Variants in ATP8B1 observed in about 807,000 individuals in gnomAD.
ATP8B1 encodes ATPase phospholipid transporting 8B1, also known as phospholipid-transporting ATPase IC.
In ATP8B1, 80 loss-of-function variants were observed where a neutral mutation model predicts 149.9. That is an observed-to-expected ratio of 0.53 (90% CI 0.45 to 0.64). The LOEUF (loss-of-function observed/expected upper bound fraction) is 0.64. Among genes scored for constraint, ATP8B1 ranks in the 30% least tolerant of loss-of-function variants. ATP8B1 has a pLI of 0.00. For missense variants in ATP8B1, 1,247 were observed against 1,552.6 expected (o/e 0.80, Z 3.31); for synonymous variants, 536 against 562.8 (o/e 0.95, Z 0.67).
At chr18:57,662,346 A>C (rs905743972) in intron 21 of ATP8B1, 137 bp downstream of exon 21, 1 of 1,013,132 alleles carries the variant, frequency 9.9e-7, no homozygotes, top group African/African-American at 1.6e-5. Flanking sequence ...TAAGTCTCAA[A>C]CTTGGAAAAA....
intron 1 of ATP8B1, among the ~76,000 whole-genome samples, chr18:57,767,781 C>G (rs1277163066): frequency 3.8e-5 from 5 of 131,208 alleles, no homozygotes; most frequent in Non-Finnish European, 8.3e-5. Context: ...GAGAGCAAAA[C>G]TCCATCTAAA....
At chr18:57,655,512 A>G (rs1004558726) in intron 22 of ATP8B1, 95 bp from the exon 23 acceptor site, 2 of 1,111,602 alleles carry the variant, frequency 1.8e-6, no homozygotes, top group African/African-American at 3.1e-5. Flanking sequence ...ACAAAAAACA[A>G]AGACAGACAT....
chr18:57,680,616 A>AAAACAAAAC (rs79987183), intron 15 of ATP8B1, among the ~76,000 whole-genome samples: 1 of 144,198 alleles, frequency 6.9e-6, no homozygotes. Context: ...AAAACAAAAC[A>AAAACAAAAC]AAAAAAAAAC....
intron 12 of ATP8B1, among the ~76,000 whole-genome samples, chr18:57,691,535 T>A (rs899907463): frequency 4.6e-5 from 7 of 152,334 alleles, no homozygotes; most frequent in Admixed American, 2.0e-4. Context: ...GGAACCTTAC[T>A]AATAAGACAA....
intron 21 of ATP8B1, among the ~76,000 whole-genome samples, chr18:57,661,676 TACACAC>T (rs368698002): frequency 2.9e-5 from 3 of 104,616 alleles, no homozygotes; most frequent in East Asian, 4.1e-4. Flanking sequence ...TGTATGTATA[TACACAC>T]ACACACACAC....
At chr18:57,701,715 A>C (rs1156369409) in intron 4 of ATP8B1, among the ~76,000 whole-genome samples, 1 of 144,384 alleles carries the variant, frequency 6.9e-6, no homozygotes, top group African/African-American at 2.6e-5. Context: ...TTTTTTTTTG[A>C]GACAGAGTCT....
chr18:57,794,463 T>TAAAA (rs58976028), intron 1 of ATP8B1, among the ~76,000 whole-genome samples: 1 of 110,462 alleles, frequency 9.1e-6, no homozygotes, highest in Non-Finnish European at 1.8e-5. Flanking sequence ...AACCTGACAT[T>TAAAA]AAAAAAAAAA....
chr18:57,705,931 A>T (rs1913368442), intron 3 of ATP8B1, among the ~76,000 whole-genome samples: 1 of 152,140 alleles, frequency 6.6e-6, no homozygotes, highest in Non-Finnish European at 1.5e-5. Context: ...GCACAATTTC[A>T]GCTCACTGAA....
chr18:57,701,798 C>T (rs11665267), intron 4 of ATP8B1, among the ~76,000 whole-genome samples: 13,448 of 151,702 alleles, frequency 0.089, 710 homozygotes, highest in Middle Eastern at 0.18. Flanking sequence ...CAGGCTCAAG[C>T]GATTCTCCTG....
rs528880408 is a variant in ATP8B1, at chr18:57,780,661, A to G, written c.-26+22337T>C. 1.4e-4 allele frequency among the ~76,000 whole-genome samples: 21 copies of G among 152,348 alleles called. No homozygotes were observed. In the South Asian group the frequency reaches 4.1e-3, roughly 30 times the overall value. ...AAACCCTAAGAAATACACTTGTTCA[A>G]TCATTTTGCAGCCTTCAAAATCTCT... On this transcript the variant is annotated intron_variant, in intron 1 of 27. Coordinates refer to ENST00000648908, the MANE Select transcript of ATP8B1 (RefSeq NM_001374385.1).
At chr18:57,769,532 T>C (rs1273098493) in intron 1 of ATP8B1, among the ~76,000 whole-genome samples, 1 of 152,178 alleles carries the variant, frequency 6.6e-6, no homozygotes, top group East Asian at 1.9e-4. Flanking sequence ...AGCAAGAAAC[T>C]GCTAGTACTT....
intron 1 of ATP8B1, among the ~76,000 whole-genome samples, chr18:57,767,336 G>C (rs941219724): frequency 6.6e-6 from 1 of 152,170 alleles, no homozygotes; most frequent in Non-Finnish European, 1.5e-5. Flanking sequence ...GCCTTCTGCT[G>C]CTCAGGTAAG....
At chr18:57,654,630 A>G (rs531956880) in intron 23 of ATP8B1, among the ~76,000 whole-genome samples, 1 of 148,580 alleles carries the variant, frequency 6.7e-6, no homozygotes, top group African/African-American at 2.5e-5. Context: ...TGTTATCGCT[A>G]CTCTTAATGT....
chr18:57,727,935 C>CT lies in ATP8B1; in HGVS notation c.181+3691dup, dbSNP rs1258141153. Among the ~76,000 whole-genome samples the CT allele has an allele frequency of 2.0e-5, 3 of 152,176 alleles. No homozygotes were observed. The South Asian group carries it at 6.2e-4, about 32-fold the overall frequency. ...AACATTCCCGCTCATTTCTGAGAATCTTTGCTGAATCTTTACACAAAGGGT... is the reference window on the plus strand; with the variant it reads ...AACATTCCCGCTCATTTCTGAGAATCTTTTGCTGAATCTTTACACAAAGGGT... On this transcript the variant is annotated intron_variant, in intron 2 of 27. Transcript: ENST00000648908.
chr18:57,693,680 C>T (rs935862657), intron 11 of ATP8B1, among the ~76,000 whole-genome samples: 1 of 151,980 alleles, frequency 6.6e-6, no homozygotes, highest in Non-Finnish European at 1.5e-5. Flanking sequence ...TGTACTCCAG[C>T]CTGGGCAACA....
At chr18:57,656,037 C>T (rs964722522) in intron 22 of ATP8B1, among the ~76,000 whole-genome samples, 1 of 152,188 alleles carries the variant, frequency 6.6e-6, no homozygotes, top group African/African-American at 2.4e-5. Context: ...TACTTTCCAG[C>T]TACCTGGATG....
intron 1 of ATP8B1, among the ~76,000 whole-genome samples, chr18:57,769,934 CT>C (rs1168393468): frequency 2.0e-5 from 3 of 152,174 alleles, no homozygotes; most frequent in Non-Finnish European, 4.4e-5. Flanking sequence ...TGTTATTCCC[CT>C]TGTATAAATG....
intron 22 of ATP8B1, among the ~76,000 whole-genome samples, chr18:57,657,680 C>CA (rs2122610127): frequency 6.6e-6 from 1 of 152,352 alleles, no homozygotes; most frequent in Admixed American, 6.5e-5. Flanking sequence ...GGTTGCCAAA[C>CA]TTGCTCTTTC....
chr18:57,649,193 T>TCTATCTATCTATCTATCTATCTAC (rs1354889459), intron 27 of ATP8B1, among the ~76,000 whole-genome samples: 2 of 150,032 alleles, frequency 1.3e-5, no homozygotes, highest in Non-Finnish European at 2.9e-5. Context: ...CTTGGCTATA[T>TCTATCTATCTATCTATCTATCTAC]CTATCTATCT....
Sources: allele counts gnomAD v4.1 joint callset (sites outside exome capture counted in the v4.1 genomes callset), GRCh38; gene constraint gnomAD v4.1.1; transcripts MANE v1.5; gene names NCBI Gene and HGNC (gene_info 2026-07-23, HGNC 2026-07-21).